AUTS2: variants seen among roughly 807,000 people sequenced by gnomAD.
The protein encoded by AUTS2 is activator of transcription and developmental regulator AUTS2, also known as autism susceptibility gene 2 protein.
A neutral mutation model predicts 112.4 loss-of-function variants in AUTS2; 17 were observed. That is an observed-to-expected ratio of 0.15 (90% CI 0.10 to 0.23). AUTS2 has a LOEUF of 0.23. Among genes scored for constraint, AUTS2 ranks in the 10% least tolerant of loss-of-function variants. The probability of loss-of-function intolerance (pLI) is 1.00; values close to 1 mark genes in which losing one functional copy is unlikely to be tolerated. For missense variants in AUTS2, 1,510 were observed against 1,701.6 expected, an observed-to-expected ratio of 0.89 and a Z score of 1.98; for synonymous variants, 751 against 702.7, an observed-to-expected ratio of 1.07 and a Z score of -1.09.
intron 4 of AUTS2, among the ~76,000 whole-genome samples, chr7:70,195,863 C>T (rs888634384): frequency 1.3e-5 from 2 of 152,136 alleles, no homozygotes; most frequent in African/African-American, 4.8e-5. Context: ...AACCTTGATT[C>T]GTCTGCCTGT....
intron 2 of AUTS2, among the ~76,000 whole-genome samples, chr7:70,115,542 C>T (rs979571335): frequency 5.3e-5 from 8 of 152,174 alleles, no homozygotes; most frequent in African/African-American, 1.9e-4. Flanking sequence ...AGTCAGGTAC[C>T]ACATACAAAT....
chr7:70,327,988 A>G (rs1257108839), intron 4 of AUTS2, among the ~76,000 whole-genome samples: 5 of 152,136 alleles, frequency 3.3e-5, no homozygotes, highest in African/African-American at 4.8e-5. Flanking sequence ...AGTTGGATCC[A>G]TGGAACTCCT....
At chr7:70,003,288 TTA>T (rs1162243942) in intron 2 of AUTS2, among the ~76,000 whole-genome samples, 1 of 131,096 alleles carries the variant, frequency 7.6e-6, no homozygotes, top group Admixed American at 8.5e-5. Flanking sequence ...AATATATATA[TTA>T]TATATGAATA....
chr7:70,768,120 G>T (rs1790053220), intron 10 of AUTS2, 52 bp downstream of exon 10: 1 of 1,535,602 alleles, frequency 6.5e-7, no homozygotes, highest in Admixed American at 2.1e-5. Flanking sequence ...TGCCATTTTT[G>T]TGCTCTTGCC....
intron 6 of AUTS2, among the ~76,000 whole-genome samples, chr7:70,739,938 C>G (rs542208528): frequency 6.6e-6 from 1 of 152,150 alleles, no homozygotes; most frequent in South Asian, 2.1e-4. Flanking sequence ...TGTTGGACAA[C>G]AGCAGTATTC....
intron 5 of AUTS2, among the ~76,000 whole-genome samples, chr7:70,594,332 T>G (rs554837032): frequency 1.3e-5 from 2 of 152,158 alleles, no homozygotes; most frequent in East Asian, 3.9e-4. Context: ...AAAATACAGA[T>G]TGCTGGGCCC....
intron 5 of AUTS2, among the ~76,000 whole-genome samples, chr7:70,480,374 A>G (rs1046934489): frequency 2.0e-5 from 3 of 152,222 alleles, no homozygotes; most frequent in African/African-American, 7.2e-5. Context: ...AAAGTTGATA[A>G]AGTAATAGGA....
At chr7:70,485,852 C>T (rs1433877131) in intron 5 of AUTS2, among the ~76,000 whole-genome samples, 1 of 152,060 alleles carries the variant, frequency 6.6e-6, no homozygotes, top group Non-Finnish European at 1.5e-5. Context: ...ATGCAGGGTG[C>T]AGCTGTGGCC....
intron 4 of AUTS2, among the ~76,000 whole-genome samples, chr7:70,317,985 G>C (rs1243305226): frequency 6.6e-6 from 1 of 152,124 alleles, no homozygotes; most frequent in Admixed American, 6.5e-5. Context: ...GTCATGACTT[G>C]CTACCTTTAG....
At chr7:70,735,027 G>T (rs1391344235) in intron 6 of AUTS2, among the ~76,000 whole-genome samples, 1 of 151,982 alleles carries the variant, frequency 6.6e-6, no homozygotes, top group Non-Finnish European at 1.5e-5. Context: ...AAGAAGTCTA[G>T]CTTCTCATTA....
chr7:70,081,482 A>C (rs1803309546), intron 2 of AUTS2, among the ~76,000 whole-genome samples: 1 of 151,510 alleles, frequency 6.6e-6, no homozygotes, highest in African/African-American at 2.4e-5. Flanking sequence ...AATCGCTTGA[A>C]CCCGGGAGAT....
At chr7:69,830,707 T>C (rs1418169937) in intron 1 of AUTS2, among the ~76,000 whole-genome samples, 1 of 152,226 alleles carries the variant, frequency 6.6e-6, no homozygotes, top group Non-Finnish European at 1.5e-5. Flanking sequence ...TACTCTCTTA[T>C]CCATTCACTA....
At chr7:70,187,775 C>CTTTTTTTTT (rs71077627) in intron 4 of AUTS2, among the ~76,000 whole-genome samples, 3 of 110,316 alleles carry the variant, frequency 2.7e-5, no homozygotes, top group Non-Finnish European at 3.6e-5. Context: ...AACTAGTCTT[C>CTTTTTTTTT]TTTTTTTTTT....
chr7:69,869,235 C>A (rs1793371996), intron 1 of AUTS2, among the ~76,000 whole-genome samples: 1 of 151,972 alleles, frequency 6.6e-6, no homozygotes, highest in African/African-American at 2.4e-5. Flanking sequence ...TTATTGAGCA[C>A]CTATAATGTG....
intron 5 of AUTS2, among the ~76,000 whole-genome samples, chr7:70,600,001 G>A (rs999250294): frequency 4.6e-5 from 7 of 152,092 alleles, no homozygotes; most frequent in African/African-American, 7.2e-5. Flanking sequence ...TCAGCACCCC[G>A]GGGACTCATT....
chr7:70,354,706 G>T (rs569599423), intron 4 of AUTS2, among the ~76,000 whole-genome samples: 1 of 152,182 alleles, frequency 6.6e-6, no homozygotes, highest in African/African-American at 2.4e-5. Flanking sequence ...GAGTCCAAAT[G>T]AGATGGGCCA....
At chr7:70,245,173 A>AAAAAT (rs141683582) in intron 4 of AUTS2, among the ~76,000 whole-genome samples, 2 of 123,938 alleles carry the variant, frequency 1.6e-5, no homozygotes, top group Non-Finnish European at 1.6e-5. Flanking sequence ...TATATATAAA[A>AAAAAT]AATAAAAAAT....
intron 2 of AUTS2, among the ~76,000 whole-genome samples, chr7:70,064,835 G>A (rs1212404404): frequency 3.3e-5 from 5 of 152,112 alleles, no homozygotes; most frequent in African/African-American, 4.8e-5. Flanking sequence ...AACTTCAGTC[G>A]TTTGTATCAT....
At chr7:70,181,286 T>G (rs1166103223) in intron 4 of AUTS2, among the ~76,000 whole-genome samples, 1 of 152,228 alleles carries the variant, frequency 6.6e-6, no homozygotes. Flanking sequence ...TGTCAATTTA[T>G]TATTTCAGCA....
Sources: allele counts gnomAD v4.1 joint callset (sites outside exome capture counted in the v4.1 genomes callset), GRCh38; gene constraint gnomAD v4.1.1; transcripts MANE v1.5; gene names NCBI Gene and HGNC (gene_info 2026-07-23, HGNC 2026-07-21).